Variants in NRP1 observed in about 807,000 individuals in gnomAD.
NRP1 encodes the protein neuropilin 1.
Under a neutral mutation model 106.7 loss-of-function variants are expected in NRP1, and 35 were observed. The observed-to-expected ratio is 0.33, with a 90% CI of 0.25 to 0.43. NRP1 has a LOEUF of 0.43. Ranked by LOEUF, NRP1 falls within the 20% of genes least tolerant of loss-of-function variation. NRP1 has a pLI of 1.00. For missense variants in NRP1, 1,024 were observed against 1,170.4 expected, an observed-to-expected ratio of 0.87 and a Z score of 1.83; for synonymous variants, 437 against 417.9, an observed-to-expected ratio of 1.05 and a Z score of -0.56.
At chr10:33,322,060 T>C (rs1277535300) in intron 2 of NRP1, among the ~76,000 whole-genome samples, 1 of 152,178 alleles carries the variant, frequency 6.6e-6, no homozygotes, top group Non-Finnish European at 1.5e-5. Flanking sequence ...CGAAACTGTA[T>C]GAATGAGGGC....
chr10:33,272,454 G>A (rs1378774233), intron 2 of NRP1, among the ~76,000 whole-genome samples: 2 of 152,100 alleles, frequency 1.3e-5, no homozygotes, highest in African/African-American at 4.8e-5. Context: ...CATACTTTGG[G>A]AAATGCTTTG....
intron 8 of NRP1, among the ~76,000 whole-genome samples, chr10:33,219,090 A>G (rs930003807): frequency 6.6e-6 from 1 of 152,210 alleles, no homozygotes; most frequent in African/African-American, 2.4e-5. Flanking sequence ...TTACTGTCTT[A>G]TTAGAGGCTC....
chr10:33,224,633 G>A, intron 7 of NRP1, among the ~76,000 whole-genome samples: 1 of 151,554 alleles, frequency 6.6e-6, no homozygotes, highest in Admixed American at 6.6e-5. Context: ...TGTGTGCCAA[G>A]GTGGTTTACT....
intron 11 of NRP1, among the ~76,000 whole-genome samples, chr10:33,198,816 C>T (rs1588704017): frequency 6.6e-6 from 1 of 152,148 alleles, no homozygotes; most frequent in South Asian, 2.1e-4. Flanking sequence ...AGGACAAATA[C>T]CCTGCCCTGT....
At chr10:33,277,403 C>T (rs1366594037) in intron 2 of NRP1, among the ~76,000 whole-genome samples, 1 of 152,216 alleles carries the variant, frequency 6.6e-6, no homozygotes, top group Non-Finnish European at 1.5e-5. Context: ...GGGGGCTGCA[C>T]GGTAGCTCTA....
chr10:33,278,196 G>A (rs1366702997), intron 2 of NRP1, among the ~76,000 whole-genome samples: 1 of 152,034 alleles, frequency 6.6e-6, no homozygotes, highest in Non-Finnish European at 1.5e-5. Flanking sequence ...ATTCATTTGG[G>A]TAGGAGAGTG....
chr10:33,230,538 A>G (rs1218270604), intron 6 of NRP1, among the ~76,000 whole-genome samples: 1 of 152,166 alleles, frequency 6.6e-6, no homozygotes, highest in East Asian at 1.9e-4. Flanking sequence ...AGACTGAGAT[A>G]AAATTTGCAT....
At chr10:33,302,154 G>A (rs1227214886) in intron 2 of NRP1, among the ~76,000 whole-genome samples, 1 of 152,228 alleles carries the variant, frequency 6.6e-6, no homozygotes, top group Non-Finnish European at 1.5e-5. Flanking sequence ...AACTGAAGGA[G>A]ATGGGCTAAT....
chr10:33,226,259 C>A lies in NRP1; in HGVS notation c.1012G>T (p.Ala338Ser), dbSNP rs761164757. Residue 338 changes from alanine (A) to serine (S), a missense_variant, in exon 7 of 17, where the codon GCT becomes TCT. By Grantham distance (99) the Ala-to-Ser change is moderately conservative. Coordinates refer to ENST00000374867, the MANE Select transcript of NRP1 (RefSeq NM_003873.7). ...GAAATGGCGCCCTGTGTCCCGACAG[C>A]CGTGACAAAGCGCAGAAGGCCCAAG... is the stretch of plus-strand genomic sequence containing the variant. The part of the protein sequence containing the change: ...VDLGLLRFVT[A>S]VGTQGAISKE... The A allele has an allele frequency of 8.1e-6, 13 of 1,613,994 alleles. No individual in the cohort carries two copies. The highest frequency in any genetic ancestry group is 1.0e-5 in the Non-Finnish European group (12 of 1,180,006).
intron 9 of NRP1, among the ~76,000 whole-genome samples, chr10:33,209,282 A>G (rs1838083523): frequency 6.6e-6 from 1 of 152,188 alleles, no homozygotes; most frequent in Admixed American, 6.5e-5. Context: ...ATTCTCCATG[A>G]GGTAAATTCT....
chr10:33,214,189 G>C (rs1838564494), intron 8 of NRP1, among the ~76,000 whole-genome samples: 1 of 152,142 alleles, frequency 6.6e-6, no homozygotes, highest in Non-Finnish European at 1.5e-5. Context: ...AGAGGTAATA[G>C]AGGACCTCCC....
Position 33,307,587 on chromosome 10 carries a change from T to C in NRP1, c.248+23121A>G, listed in dbSNP as rs138010808. Among the ~76,000 whole-genome samples the C allele has an allele frequency of 1.2e-3, 179 of 152,316 alleles. 1 individual carries two copies. The East Asian group carries it at 0.029, about 25-fold the overall frequency. On this transcript the variant is annotated intron_variant, in intron 2 of 16. Coordinates refer to ENST00000374867, the MANE Select transcript of NRP1 (RefSeq NM_003873.7). ...TTATCTTCTAAAGCAAATTGGAGTA[T>C]ATATCAAGAGTCTTAATACTGGTTT...
chr10:33,217,524 G>C (rs114555965), intron 8 of NRP1, among the ~76,000 whole-genome samples: 1 of 152,316 alleles, frequency 6.6e-6, no homozygotes, highest in African/African-American at 2.4e-5. Flanking sequence ...TCCCTTCATA[G>C]CAGGCTGGTA....
Position 33,213,790 on chromosome 10 carries a change from C to A in NRP1, c.1283-73G>T, listed in dbSNP as rs1838526596. 1.2e-5 allele frequency: 14 copies of A among 1,130,846 alleles called. No individual in the cohort carries two copies. In the South Asian group the frequency reaches 2.0e-4, roughly 16 times the overall value. The allele number at this position is 1,130,846 out of a possible 1,614,324, so 70.1% of individuals were successfully genotyped here. ...CTCCATGCTAAGAAATAAAATACAA[C>A]ATATGGAATAAAGACATGATTTTGT... On this transcript the variant is annotated intron_variant, in intron 8 of 16. Coordinates refer to ENST00000374867, the MANE Select transcript of NRP1 (RefSeq NM_003873.7).
chr10:33,319,591 T>TC (rs1365638794), intron 2 of NRP1, among the ~76,000 whole-genome samples: 11 of 145,130 alleles, frequency 7.6e-5, no homozygotes, highest in African/African-American at 2.8e-4. Context: ...TTTCTTTCTT[T>TC]TTTTTTTTTT....
At chr10:33,202,094 CTATTGAAACTGCG>C (rs1353368472) in intron 11 of NRP1, 2 of 152,216 alleles carry the variant, frequency 1.3e-5, no homozygotes, top group African/African-American at 4.8e-5. Context: ...GAGTCAGATG[CTATTGAAACTGCG>C]TTTTGACCCA....
At chr10:33,191,321 G>T (rs1451359824) in intron 13 of NRP1, among the ~76,000 whole-genome samples, 1 of 152,202 alleles carries the variant, frequency 6.6e-6, no homozygotes, top group East Asian at 1.9e-4. Context: ...AAGGCAGGAG[G>T]TGGTGGGAGG....
At chr10:33,285,082 C>CT (rs1260479833) in intron 2 of NRP1, among the ~76,000 whole-genome samples, 2 of 152,230 alleles carry the variant, frequency 1.3e-5, no homozygotes, top group African/African-American at 4.8e-5. Context: ...CTTTGAAAGA[C>CT]TGTTTTAGCA....
At chr10:33,224,842 A>G (rs183690786) in intron 7 of NRP1, among the ~76,000 whole-genome samples, 19 of 152,286 alleles carry the variant, frequency 1.2e-4, no homozygotes, top group Admixed American at 1.2e-3. Context: ...CTCCTGAAGT[A>G]GCGCTTATTT....
Sources: gnomAD v4.1 joint callset for allele counts (sites outside exome capture counted in the v4.1 genomes callset) on GRCh38, gnomAD v4.1.1 for gene constraint, MANE v1.5 for transcripts, NCBI Gene and HGNC (gene_info 2026-07-23, HGNC 2026-07-21) for gene names.